Variants in SYNJ2 observed in about 807,000 individuals in gnomAD.
The protein encoded by SYNJ2 is polyphosphatidylinositol phosphatase SYNJ2.
Under a neutral mutation model 141.3 loss-of-function variants are expected in SYNJ2, and 116 were observed. The ratio of observed to expected loss-of-function variants is 0.82; its 90% confidence interval spans 0.71 to 0.96. SYNJ2 has a LOEUF of 0.96. SYNJ2 is among the 40% of genes least tolerant of loss of function. The pLI is 0.00. For missense variants in SYNJ2, 1,873 were observed against 1,934.8 expected, an observed-to-expected ratio of 0.97 and a Z score of 0.60; for synonymous variants, 745 against 777.7, an observed-to-expected ratio of 0.96 and a Z score of 0.70.
intron 1 of SYNJ2, among the ~76,000 whole-genome samples, chr6:157,984,028 G>T (rs1777109042): frequency 6.6e-6 from 1 of 151,880 alleles, no homozygotes; most frequent in Non-Finnish European, 1.5e-5. Flanking sequence ...TTTAAATGGG[G>T]TCTTACTATG....
At chr6:158,024,001 A>G (rs903033891) in intron 2 of SYNJ2, among the ~76,000 whole-genome samples, 20 of 152,222 alleles carry the variant, frequency 1.3e-4, no homozygotes, top group Non-Finnish European at 2.4e-4. Flanking sequence ...AGGATCTTTT[A>G]GTGTTTGCGT....
In SYNJ2 at chr6:158,029,012, G is replaced by T; in HGVS notation, c.471G>T (p.Gly157=). The T allele has an allele frequency of 1.2e-6, 2 of 1,614,154 alleles. No homozygotes were observed. The highest frequency in any genetic ancestry group is 1.7e-5 in the Admixed American group (1 of 60,024). ...AGGGGGATGACAGCTCTGAATGGGG[G>T]AACTCCTTCTTCTGGTGAGGCCCTG... ...QKQGDDSSEW[G]NSFFWNQLLH... The change falls in exon 3 of 27, where the codon GGG becomes GGT. Residue 157 remains glycine, a synonymous_variant. Coordinates refer to ENST00000355585, the MANE Select transcript of SYNJ2 (RefSeq NM_003898.4).
chr6:157,987,825 CCAG>C (rs1215890391), intron 1 of SYNJ2, among the ~76,000 whole-genome samples: 1 of 152,236 alleles, frequency 6.6e-6, no homozygotes, highest in Admixed American at 6.5e-5. Flanking sequence ...TTTCGTGTGG[CCAG>C]CAGCAGAAAT....
Position 158,040,843 on chromosome 6 carries a change from G to A in SYNJ2, c.712-2473G>A, listed in dbSNP as rs1779907263. Among the ~76,000 whole-genome samples, 1 of 152,140 alleles carries A rather than the reference G, an allele frequency of 6.6e-6. No individual in the cohort carries two copies. Among genetic ancestry groups the A allele is most frequent in the African/African-American group, 2.4e-5 (1 of 41,428 alleles). On this transcript the variant is annotated intron_variant, in intron 4 of 26. Coordinates refer to ENST00000355585, the MANE Select transcript of SYNJ2 (RefSeq NM_003898.4). This position sits in a 1 kb window ranked among gnomAD's most constrained non-coding sequence, Gnocchi z 4.2. The stretch of plus-strand genomic sequence containing the variant: ...AGTCTGGGGTCTAGGCACTGGCCTG[G>A]CCTCATCACAGCACTGGCACGGGCC...
At chr6:158,054,370 T>A (rs1301630650) in intron 5 of SYNJ2, among the ~76,000 whole-genome samples, 1 of 152,270 alleles carries the variant, frequency 6.6e-6, no homozygotes, top group African/African-American at 2.4e-5. Flanking sequence ...TTCATCAGGT[T>A]AAAATCCATT....
In SYNJ2 at chr6:157,998,680, CAG is replaced by C. The variant is rs564712722; in HGVS notation, c.127+16593_127+16594del. On this transcript the variant is annotated intron_variant, in intron 1 of 26. Coordinates refer to ENST00000355585, the MANE Select transcript of SYNJ2 (RefSeq NM_003898.4). ...TTAGAAAATATAGGCTATGCTTTCA[CAG>C]TGTTACGGCATGGAAAGATGTTCTA... is the stretch of plus-strand genomic sequence containing the variant. Among the ~76,000 whole-genome samples the C allele has an allele frequency of 2.6e-5, 4 of 152,152 alleles. No individual in the cohort carries two copies. The South Asian group carries it at 6.2e-4, about 24-fold the overall frequency.
intron 1 of SYNJ2, among the ~76,000 whole-genome samples, chr6:158,013,917 G>A (rs1053729202): frequency 6.6e-6 from 1 of 152,246 alleles, no homozygotes; most frequent in African/African-American, 2.4e-5. Flanking sequence ...TTGATAAACT[G>A]TATTCAGGTT....
intron 1 of SYNJ2, among the ~76,000 whole-genome samples, chr6:157,986,414 A>AC (rs1216027730): frequency 6.6e-6 from 1 of 151,880 alleles, no homozygotes; most frequent in East Asian, 1.9e-4. Flanking sequence ...GCTCACTGCA[A>AC]CCCCCACCTC....
chr6:158,068,763 T>A (rs1418290319), intron 13 of SYNJ2, 35 bp downstream of exon 13: 11 of 1,609,916 alleles, frequency 6.8e-6, no homozygotes, highest in Non-Finnish European at 7.6e-6. Flanking sequence ...AGGCAGGGAC[T>A]TCCTGAGTCA....
chr6:158,074,108 G>A (rs1782116474), intron 15 of SYNJ2, among the ~76,000 whole-genome samples: 1 of 152,056 alleles, frequency 6.6e-6, no homozygotes. Flanking sequence ...AGGATGGGAA[G>A]GAGGAGCTAG....
At chr6:158,012,470 G>A (rs1318058934) in intron 1 of SYNJ2, among the ~76,000 whole-genome samples, 1 of 152,196 alleles carries the variant, frequency 6.6e-6, no homozygotes, top group Non-Finnish European at 1.5e-5. Context: ...ATTTGAAGAG[G>A]AAGGAAGGAG....
intron 4 of SYNJ2, among the ~76,000 whole-genome samples, chr6:158,041,859 C>A (rs1779966309): frequency 6.6e-6 from 1 of 152,222 alleles, no homozygotes; most frequent in African/African-American, 2.4e-5. Flanking sequence ...CAGGCATACG[C>A]CACCATACCC....
At position 158,017,236 on chromosome 6, in the gene SYNJ2, T is replaced by C. The variant is rs933154214; in HGVS notation, c.160T>C (p.Tyr54His). 3.1e-6 allele frequency: 5 copies of C among 1,613,074 alleles called. No homozygotes were observed. In the African/African-American group the frequency reaches 6.7e-5, roughly 22 times the overall value. ...AGAAAAGGAAGTCATTAAAGGACAG[T>C]ATGGCAAGCTCACGGACGCGTACGG... ...PEEKEVIKGQ[Y>H]GKLTDAYGCL... The change falls in exon 2 of 27, where the codon TAT (tyrosine) becomes CAT (histidine). Residue 54 changes from tyrosine (Y) to histidine (H), a missense_variant. Tyr to His is a moderately conservative substitution (Grantham distance 83). Transcript: ENST00000355585.
intron 13 of SYNJ2, among the ~76,000 whole-genome samples, chr6:158,069,141 G>A (rs1781753123): frequency 6.6e-6 from 1 of 152,114 alleles, no homozygotes; most frequent in Non-Finnish European, 1.5e-5. Flanking sequence ...CTTTCTTCCT[G>A]CACACCAGGG....
rs1783782353 is a variant in SYNJ2, at chr6:158,096,030, C to T, written c.4157C>T (p.Thr1386Ile). 1.2e-6 allele frequency: 2 copies of T among 1,614,254 alleles called. No individual in the cohort carries two copies. The highest frequency in any genetic ancestry group is 1.7e-6 in the Non-Finnish European group (2 of 1,180,042). ...TVFPQGDFLS[T>I]SSATSPDSDG... Reference sequence around the variant, plus strand: ...TTCCCACAAGGGGACTTTCTCAGCACTTCATCTGCTACAAGCCCCGACAGC... The same window carrying T: ...TTCCCACAAGGGGACTTTCTCAGCATTTCATCTGCTACAAGCCCCGACAGC... The change falls in exon 27 of 27, where the codon ACT (threonine) becomes ATT (isoleucine). Residue 1386 changes from threonine to isoleucine, a missense_variant. Coordinates refer to ENST00000355585, the MANE Select transcript of SYNJ2 (RefSeq NM_003898.4).
rs965111563 is a variant in SYNJ2, at chr6:158,093,202, G to A, written c.3744+98G>A. 3.7e-5 allele frequency: 49 copies of A among 1,319,380 alleles called. 1 individual carries two copies. In the South Asian group the frequency reaches 3.8e-4, roughly 10 times the overall value. The allele number at this position is 1,319,380 out of a possible 1,614,324, so 81.7% of individuals were successfully genotyped here. On this transcript the variant is annotated intron_variant, in intron 26 of 26. Transcript: ENST00000355585. Reference sequence around the variant, plus strand: ...TGTAATCCCAGCACATTGGGAAGCCGAGGCAAGCGGATTACGAGGTCAGGA... The same window carrying A: ...TGTAATCCCAGCACATTGGGAAGCCAAGGCAAGCGGATTACGAGGTCAGGA...
intron 7 of SYNJ2, among the ~76,000 whole-genome samples, chr6:158,061,758 G>T (rs532474671): frequency 6.6e-6 from 1 of 152,312 alleles, no homozygotes; most frequent in East Asian, 1.9e-4. Context: ...GCTCAAGGGG[G>T]ACCTTCTGCC....
intron 11 of SYNJ2, among the ~76,000 whole-genome samples, chr6:158,065,933 C>T (rs1781534796): frequency 6.6e-6 from 1 of 152,150 alleles, no homozygotes; most frequent in Non-Finnish European, 1.5e-5. Context: ...CTTTTTAAAG[C>T]CTTAAGTCTG....
At chr6:158,048,590 C>T (rs1780382557) in intron 5 of SYNJ2, among the ~76,000 whole-genome samples, 1 of 152,208 alleles carries the variant, frequency 6.6e-6, no homozygotes, top group Admixed American at 6.5e-5. Context: ...ATACCATACA[C>T]ATTAAGTCAC....
Sources: allele counts gnomAD v4.1 joint callset (sites outside exome capture counted in the v4.1 genomes callset), GRCh38; gene constraint gnomAD v4.1.1; non-coding constraint Gnocchi (gnomAD v3.1); transcripts MANE v1.5; gene names NCBI Gene and HGNC (gene_info 2026-07-23, HGNC 2026-07-21).